The following MAP7D3 variants were observed in gnomAD, a reference collection of about 807,000 sequenced individuals.
The protein encoded by MAP7D3 is MAP7 domain containing 3.
In MAP7D3, 45 loss-of-function variants were observed where a neutral mutation model predicts 62.2. The ratio of observed to expected loss-of-function variants is 0.72; its 90% CI spans 0.57 to 0.93. The LOEUF (loss-of-function observed/expected upper bound fraction) is 0.93. MAP7D3 is among the 40% of genes least tolerant of loss of function. The pLI is 0.00. For missense variants in MAP7D3, 711 were observed against 683.1 expected (o/e 1.04, Z -0.45); for synonymous variants, 288 against 248.8 (o/e 1.16, Z -1.48).
intron 1 of MAP7D3, among the ~76,000 whole-genome samples, chrX:136,248,495 A>G (rs1453480246): frequency 8.9e-6 from 1 of 112,557 alleles, no homozygotes; most frequent in Admixed American, 9.4e-5. Flanking sequence ...ATTTAAATGA[A>G]TGAGGGAATT....
Position 136,227,315 on chromosome X carries a change from A to G in MAP7D3, c.2003T>C (p.Leu668Pro). ...TGGTGCTTCCTGGTCTTCCTGATCC[A>G]GCCATCCTTTCTTCTTTTTAGTCTC... Reference protein sequence around the residue: ...QNETKKKKGWLDQEDQEAPLQ... With the variant: ...QNETKKKKGWPDQEDQEAPLQ... Residue 668 changes from leucine to proline, a missense_variant, in exon 12 of 19, where the codon CTG (leucine) becomes CCG (proline). By Grantham distance (98) the Leu-to-Pro change is moderately conservative (BLOSUM62 -3). Transcript: ENST00000316077. The G allele has an allele frequency of 5.0e-6, 6 of 1,208,540 alleles. No homozygotes were observed. The highest frequency in any genetic ancestry group is 5.6e-6 in the Non-Finnish European group (5 of 894,638).
At position 136,244,676 on chromosome X, in the gene MAP7D3, T is replaced by C. The variant is rs2074427744; in HGVS notation, c.373A>G (p.Ile125Val). The change falls in exon 4 of 19, where the codon ATA becomes GTA. Residue 125 changes from isoleucine to valine, a missense_variant. Transcript: ENST00000316077. The part of the protein sequence containing the change: ...ERKEKEEQRR[I>V]AAEEKRHQKD... ...TGGTGTCTTTTTTCTTCTGCAGCTA[T>C]TCTCCGTTGTTCTTCTTTCTCTTTT... 1 of 1,210,351 alleles carries C rather than the reference T, an allele frequency of 8.3e-7. No homozygotes were observed.
At chrX:136,222,952 C>T (rs1020053009) in intron 14 of MAP7D3, among the ~76,000 whole-genome samples, 2 of 110,144 alleles carry the variant, frequency 1.8e-5, no homozygotes, top group African/African-American at 3.3e-5. Context: ...AGTGATCTCC[C>T]GTCTCAGCCT....
Position 136,222,410 on chromosome X carries a change from T to A in MAP7D3, c.2270A>T (p.Asn757Ile), listed in dbSNP as rs770830329. Residue 757 changes from asparagine to isoleucine, a missense_variant, in exon 15 of 19, where the codon AAT (asparagine) becomes ATT (isoleucine). Transcript: ENST00000316077. ...DNEESDKDSL[N>I]EMFPSAILNG... The stretch of plus-strand genomic sequence containing the variant: ...TGACTAACCTGATGGAAACATTTCA[T>A]TCAATGAGTCCTTGTCGCTTTCTTC... 4.1e-6 allele frequency: 5 copies of A among 1,206,407 alleles called. No homozygotes were observed. Among genetic ancestry groups the A allele is most frequent in the Middle Eastern group, 4.6e-4 (2 of 4,366 alleles).
At chrX:136,232,874 C>T (rs1000518635) in intron 7 of MAP7D3, among the ~76,000 whole-genome samples, 1 of 111,656 alleles carries the variant, frequency 9.0e-6, no homozygotes, top group Non-Finnish European at 1.9e-5. Flanking sequence ...AACCTCATCA[C>T]AACTGGTGGG....
chrX:136,231,633 G>A lies in MAP7D3; in HGVS notation c.1324C>T (p.Pro442Ser). 1.7e-6 allele frequency: 2 copies of A among 1,210,682 alleles called. No homozygotes were observed. Among genetic ancestry groups the A allele is most frequent in the Non-Finnish European group, 2.2e-6 (2 of 895,096 alleles). Residue 442 changes from proline (P) to serine (S), a missense_variant, in exon 8 of 19, where the codon CCT becomes TCT. Transcript: ENST00000316077. ...GGGGATGCTTTCACCATCGCCTCAG[G>A]AGATGCCTCCATGCTCTCCTTGGGT... ...GSPKESMEAS[P>S]EAMVKASPKT...
At chrX:136,230,810 T>C in intron 9 of MAP7D3, 29 bp downstream of exon 9, 1 of 1,194,878 alleles carries the variant, frequency 8.4e-7, no homozygotes, top group Middle Eastern at 2.3e-4. Flanking sequence ...AAAACGCCTA[T>C]CAGGAACAGT....
intron 7 of MAP7D3, among the ~76,000 whole-genome samples, chrX:136,234,299 A>G (rs984452877): frequency 1.8e-5 from 2 of 111,319 alleles, no homozygotes; most frequent in Non-Finnish European, 3.8e-5. Context: ...TATAAATGAG[A>G]AAGTCCACAC....
intron 3 of MAP7D3, among the ~76,000 whole-genome samples, chrX:136,245,124 A>G (rs1433824549): frequency 8.9e-6 from 1 of 112,406 alleles, no homozygotes; most frequent in African/African-American, 3.2e-5. Flanking sequence ...AAACCCTACC[A>G]TATTAATATG....
downstream of MAP7D3, among the ~76,000 whole-genome samples, chrX:136,216,438 G>A (rs1293124473): frequency 9.0e-5 from 9 of 99,688 alleles, no homozygotes; most frequent in Admixed American, 5.5e-4. Flanking sequence ...GAAAGAAGAC[G>A]AAGAGAAAAA....
chrX:136,231,700 C>T lies in MAP7D3; in HGVS notation c.1257G>A (p.Lys419=). The stretch of plus-strand genomic sequence containing the variant: ...CCTTGGGGGCTACTTCTGCGCTCCC[C>T]TTGGGAGGTGCTTCCAGGCTCCCCT... The part of the protein sequence containing the change: ...APEGSLEAPP[K]GSAEVAPKES... The change falls in exon 8 of 19, where the codon AAG becomes AAA. Residue 419 remains lysine (K), a synonymous_variant. Coordinates refer to ENST00000316077, the MANE Select transcript of MAP7D3 (RefSeq NM_024597.4). 1 of 1,209,349 alleles carries T rather than the reference C, an allele frequency of 8.3e-7. No individual in the cohort carries two copies. The highest frequency in any genetic ancestry group is 3.0e-5 in the East Asian group (1 of 33,704).
intron 5 of MAP7D3, among the ~76,000 whole-genome samples, chrX:136,240,831 T>A (rs1232720413): frequency 8.9e-6 from 1 of 112,052 alleles, no homozygotes; most frequent in Non-Finnish European, 1.9e-5. Context: ...TATAAGAAAA[T>A]TTACACTAAA....
intron 16 of MAP7D3, among the ~76,000 whole-genome samples, chrX:136,220,164 T>C (rs1011717249): frequency 3.6e-5 from 4 of 111,676 alleles, no homozygotes; most frequent in Non-Finnish European, 7.5e-5. Flanking sequence ...ACATTGACAA[T>C]GAGCATATTA....
In MAP7D3 at chrX:136,241,209, T is replaced by C. The variant is rs780810926; in HGVS notation, c.486A>G (p.Lys162=). 8.4e-7 allele frequency: 1 copy of C among 1,194,322 alleles called. No individual in the cohort carries two copies. ...RRRLADDYQQ[K]RWSWGGSAMA... ...TTGCAGAGCCTCCCCATGACCATCTTTTTTGCTGATAATCATCAGCAAGTC... is the reference window on the plus strand; with the variant it reads ...TTGCAGAGCCTCCCCATGACCATCTCTTTTGCTGATAATCATCAGCAAGTC... The change falls in exon 5 of 19, where the codon AAA becomes AAG. Residue 162 remains lysine, a synonymous_variant. Coordinates refer to ENST00000316077, the MANE Select transcript of MAP7D3 (RefSeq NM_024597.4).
intron 16 of MAP7D3, 58 bp downstream of exon 16, chrX:136,220,707 A>G (rs1319138522): frequency 1.8e-5 from 17 of 935,519 alleles, no homozygotes; most frequent in Admixed American, 2.3e-5. Context: ...CTAGCATTCT[A>G]AGATTGTCAA....
Position 136,227,380 on chromosome X carries a change from T to C in MAP7D3, c.1938A>G (p.Ala646=), listed in dbSNP as rs368308113. 19 of 1,193,327 alleles carry C rather than the reference T, an allele frequency of 1.6e-5. No individual in the cohort carries two copies. The African/African-American group carries it at 3.3e-4, about 20-fold the overall frequency. Residue 646 remains alanine, a synonymous_variant, in exon 12 of 19, where the codon GCA becomes GCG. Transcript: ENST00000316077. Reference sequence around the variant, plus strand: ...CATCTTTGAGTTTCAAGTGGTCTTCTGCTTGGCCTCCAACTGCTTCCTTTG... The same window carrying C: ...CATCTTTGAGTTTCAAGTGGTCTTCCGCTTGGCCTCCAACTGCTTCCTTTG... ...DMAKEAVGGQ[A]EDHLKLKDGQ... is the part of the protein sequence containing the mutation.
downstream of MAP7D3, among the ~76,000 whole-genome samples, chrX:136,216,232 ACT>A (rs1304578561): frequency 9.2e-6 from 1 of 108,174 alleles, no homozygotes; most frequent in African/African-American, 3.4e-5. Context: ...GAGCTTGAAA[ACT>A]CACATCTAGG....
rs376124820 is a variant in MAP7D3 at position 136,231,661 on chromosome X, C to A, written c.1296G>T (p.Gly432=). The A allele has an allele frequency of 8.3e-7, 1 of 1,203,797 alleles. No individual in the cohort carries two copies. Among genetic ancestry groups the A allele is most frequent in the African/African-American group, 1.8e-5 (1 of 56,823 alleles). The change falls in exon 8 of 19, where the codon GGG becomes GGT. Residue 432 remains glycine, a synonymous_variant. Coordinates refer to ENST00000316077, the MANE Select transcript of MAP7D3 (RefSeq NM_024597.4). ...ATGCCTCCATGCTCTCCTTGGGTGA[C>A]CCTTTCACACTCTCCTTGGGGGCTA... ...AEVAPKESVK[G]SPKESMEASP...
downstream of MAP7D3, among the ~76,000 whole-genome samples, chrX:136,215,830 G>T (rs952739887): frequency 9.0e-6 from 1 of 111,642 alleles, no homozygotes; most frequent in African/African-American, 3.3e-5. Flanking sequence ...ACAATTAACT[G>T]CCCAGACTTT....
Sources: allele counts gnomAD v4.1 joint callset (sites outside exome capture counted in the v4.1 genomes callset), GRCh38; gene constraint gnomAD v4.1.1; transcripts MANE v1.5; gene names NCBI Gene and HGNC (gene_info 2026-07-23, HGNC 2026-07-21).